The following ERBB4 variants were observed in gnomAD, a reference collection of about 807,000 sequenced individuals.
ERBB4 encodes receptor tyrosine-protein kinase erbB-4.
In ERBB4, 42 loss-of-function variants were observed where a neutral mutation model predicts 158.0. That is an observed-to-expected ratio of 0.27 (90% CI 0.21 to 0.34). The LOEUF is 0.34. Among genes scored for constraint, ERBB4 ranks in the 10% least tolerant of loss-of-function variants. The probability of loss-of-function intolerance (pLI) is 1.00; values close to 1 mark genes in which losing one functional copy is unlikely to be tolerated. For missense variants in ERBB4, 1,333 were observed against 1,624.1 expected (o/e 0.82, Z 3.08); for synonymous variants, 583 against 558.7 (o/e 1.04, Z -0.61).
intron 1 of ERBB4, among the ~76,000 whole-genome samples, chr2:212,325,929 A>G (rs1316661453): frequency 2.0e-5 from 3 of 150,632 alleles, no homozygotes; most frequent in African/African-American, 7.3e-5. Flanking sequence ...GTATTTGGCA[A>G]AAAACTACAC....
intron 20 of ERBB4, among the ~76,000 whole-genome samples, chr2:211,474,013 T>C (rs1186426397): frequency 6.6e-6 from 1 of 152,008 alleles, no homozygotes. Context: ...TTCTCCCTTC[T>C]TTGAGGATTA....
chr2:212,199,123 A>G (rs1199488467), intron 1 of ERBB4, among the ~76,000 whole-genome samples: 1 of 152,166 alleles, frequency 6.6e-6, no homozygotes, highest in African/African-American at 2.4e-5. Context: ...CTCACAATGC[A>G]CAAGGGCTTC....
Position 211,446,265 on chromosome 2 carries a change from A to G in ERBB4, c.2488-15165T>C, listed in dbSNP as rs567078521. Among the ~76,000 whole-genome samples the G allele has an allele frequency of 6.7e-4, 102 of 152,308 alleles. 2 individuals are homozygous for G. The highest frequency in any genetic ancestry group is 2.2e-3 in the African/African-American group (93 of 41,580). On this transcript the variant is annotated intron_variant, in intron 20 of 27. Transcript: ENST00000342788. ...TTGCCAAAGAATACTGAGGCACAAT[A>G]TAAGATAAAAACCATAACTTTGTAA...
At position 211,617,492 on chromosome 2, in the gene ERBB4, A is replaced by G. The variant is rs548142492; in HGVS notation, c.2301+1685T>C. Among the ~76,000 whole-genome samples the G allele has an allele frequency of 1.2e-3, 182 of 152,216 alleles. 1 individual carries two copies. Among genetic ancestry groups the G allele is most frequent in the Admixed American group, 2.2e-3 (34 of 15,264 alleles). On this transcript the variant is annotated intron_variant, in intron 19 of 27. Transcript: ENST00000342788. ...CTTTAGAGAACTGGAGAAAGAAACA[A>G]TATTTAGTTTTTGGCCTTACTGTTA...
intron 3 of ERBB4, among the ~76,000 whole-genome samples, chr2:211,883,929 A>G (rs1049318817): frequency 7.9e-5 from 12 of 152,240 alleles, no homozygotes; most frequent in African/African-American, 2.7e-4. Context: ...TCTATCCATG[A>G]GGGACTGACT....
chr2:211,611,524 C>T (rs1420784868), intron 19 of ERBB4, among the ~76,000 whole-genome samples: 2 of 150,058 alleles, frequency 1.3e-5, no homozygotes, highest in Non-Finnish European at 2.9e-5. Context: ...CTGTGGTTCA[C>T]GGCTTCATTC....
chr2:211,582,695 A>C (rs988077725), intron 19 of ERBB4, among the ~76,000 whole-genome samples: 1 of 152,152 alleles, frequency 6.6e-6, no homozygotes, highest in African/African-American at 2.4e-5. Flanking sequence ...TGGTATGAAA[A>C]ACCCACTCAT....
At chr2:212,420,212 A>G (rs910854138) in intron 1 of ERBB4, among the ~76,000 whole-genome samples, 2 of 152,076 alleles carry the variant, frequency 1.3e-5, no homozygotes, top group African/African-American at 2.4e-5. Flanking sequence ...ATGTCTTCTT[A>G]TACATTAATA....
intron 1 of ERBB4, among the ~76,000 whole-genome samples, chr2:212,344,474 ATATGTGTG>A (rs766254002): frequency 6.3e-5 from 9 of 143,186 alleles, no homozygotes; most frequent in East Asian, 1.9e-4. Flanking sequence ...GTGTGTGTAT[ATATGTGTG>A]TGTGTGTGTG....
chr2:212,463,962 C>T (rs1688704735), intron 1 of ERBB4, among the ~76,000 whole-genome samples: 2 of 151,734 alleles, frequency 1.3e-5, no homozygotes, highest in East Asian at 3.8e-4. Context: ...CCTGCTCTTA[C>T]CCAGTGATAC....
At chr2:212,500,511 AT>A (rs61125371) in intron 1 of ERBB4, among the ~76,000 whole-genome samples, 5 of 150,616 alleles carry the variant, frequency 3.3e-5, no homozygotes, top group African/African-American at 4.9e-5. Flanking sequence ...CTAACATTTA[AT>A]TTTTTTTTTC....
chr2:211,652,618 A>C (rs1239740199), intron 16 of ERBB4, among the ~76,000 whole-genome samples: 1 of 152,240 alleles, frequency 6.6e-6, no homozygotes, highest in Non-Finnish European at 1.5e-5. Context: ...GTTACTTAAT[A>C]ACCACTATAC....
At chr2:212,427,887 T>C (rs1167984829) in intron 1 of ERBB4, among the ~76,000 whole-genome samples, 1 of 152,106 alleles carries the variant, frequency 6.6e-6, no homozygotes, top group Non-Finnish European at 1.5e-5. Flanking sequence ...CATGAAAAGC[T>C]AGAGGAAGAA....
At chr2:212,505,228 C>T (rs1234470360) in intron 1 of ERBB4, among the ~76,000 whole-genome samples, 1 of 152,120 alleles carries the variant, frequency 6.6e-6, no homozygotes, top group Non-Finnish European at 1.5e-5. Context: ...TCCCGAGTAG[C>T]GGGGATTAGA....
At chr2:212,130,709 A>C (rs1027323941) in intron 1 of ERBB4, among the ~76,000 whole-genome samples, 1 of 152,178 alleles carries the variant, frequency 6.6e-6, no homozygotes, top group African/African-American at 2.4e-5. Flanking sequence ...TTAAGAAATG[A>C]ATAATTATTT....
At chr2:212,263,117 C>A (rs2085004175) in intron 1 of ERBB4, among the ~76,000 whole-genome samples, 1 of 152,038 alleles carries the variant, frequency 6.6e-6, no homozygotes, top group African/African-American at 2.4e-5. Context: ...AAGATGGAGG[C>A]AGAGGTTTCA....
chr2:212,372,183 G>C (rs1429510910), intron 1 of ERBB4, among the ~76,000 whole-genome samples: 1 of 152,008 alleles, frequency 6.6e-6, no homozygotes, highest in Non-Finnish European at 1.5e-5. Context: ...TAGGTTCAAA[G>C]CAAGGACATC....
At chr2:211,698,586 T>C (rs144777860) in intron 12 of ERBB4, among the ~76,000 whole-genome samples, 6 of 151,906 alleles carry the variant, frequency 3.9e-5, no homozygotes, top group Non-Finnish European at 5.9e-5. Context: ...AGAAAGGTAC[T>C]ATTAAAATTG....
intron 2 of ERBB4, among the ~76,000 whole-genome samples, chr2:212,053,651 C>T (rs1217840674): frequency 6.6e-6 from 1 of 152,184 alleles, no homozygotes; most frequent in Admixed American, 6.5e-5. Flanking sequence ...AAGTGGTTCA[C>T]AGGGCAGCCT....
Sources: allele counts gnomAD v4.1 joint callset (sites outside exome capture counted in the v4.1 genomes callset), GRCh38; gene constraint gnomAD v4.1.1; transcripts MANE v1.5; gene names NCBI Gene and HGNC (gene_info 2026-07-23, HGNC 2026-07-21).